Variants in ANKRD45 observed in about 807,000 individuals in gnomAD.
ANKRD45 encodes ankyrin repeat domain 45.
Under a neutral mutation model 28.1 loss-of-function variants are expected in ANKRD45, and 21 were observed. That is an observed-to-expected ratio of 0.75 (90% CI 0.53 to 1.08). ANKRD45 has a LOEUF of 1.08. Ranked by LOEUF, ANKRD45 falls within the 50% of genes least tolerant of loss-of-function variation. The pLI is 0.00. For missense variants in ANKRD45, 261 were observed against 308.7 expected (o/e 0.85, Z 1.16); for synonymous variants, 86 against 103.9 (o/e 0.83, Z 1.05).
upstream of ANKRD45, among the ~76,000 whole-genome samples, chr1:173,672,747 G>A (rs58977252): frequency 0.079 from 11,971 of 152,084 alleles, 703 homozygotes; most frequent in East Asian, 0.32. Flanking sequence ...CAAGAGTGTG[G>A]CCTAGATGCA....
chr1:173,700,659 A>T, the ANKRD45 span, among the ~76,000 whole-genome samples: 83 of 152,308 alleles, frequency 5.4e-4, no homozygotes, highest in Non-Finnish European at 1.0e-3. Context: ...TACACCTTAT[A>T]CAAAAATTAA....
chr1:173,669,548 C>T, intron 1 of ANKRD45: 1 of 454,264 alleles, frequency 2.2e-6, no homozygotes, highest in Non-Finnish European at 4.4e-6. Flanking sequence ...CCAGGAGGTC[C>T]CGCGAGGGGG....
At chr1:173,683,962 T>A in the ANKRD45 span, among the ~76,000 whole-genome samples, 23,036 of 152,186 alleles carry the variant, frequency 0.15, 2,438 homozygotes, top group East Asian at 0.35. Flanking sequence ...TCCTGCTGTG[T>A]CATTCCCCTA....
intron 3 of ANKRD45, among the ~76,000 whole-genome samples, chr1:173,643,281 C>G (rs1390016073): frequency 2.7e-5 from 4 of 149,594 alleles, no homozygotes; most frequent in African/African-American, 9.9e-5. Flanking sequence ...TCAAGCGATT[C>G]TCCTGCCTCA....
At chr1:173,699,903 A>C in the ANKRD45 span, among the ~76,000 whole-genome samples, 2,911 of 152,280 alleles carry the variant, frequency 0.019, 88 homozygotes, top group African/African-American at 0.067. Context: ...AGATGACATG[A>C]TTGTATATTT....
rs1028128489 is a variant in ANKRD45 at position 173,609,823 on chromosome 1, A to T, written c.*322T>A. On this transcript the variant is annotated 3_prime_UTR_variant, in exon 6 of 6. Transcript: ENST00000333279. The stretch of plus-strand genomic sequence containing the variant: ...GAAATAGCCAAATATGTCCTTTTAT[A>T]TGGAATGCCTCAATTACACAGAAAA... The T allele has an allele frequency of 4.4e-6, 1 of 228,026 alleles. No individual in the cohort carries two copies. Among genetic ancestry groups the T allele is most frequent in the Non-Finnish European group, 8.5e-6 (1 of 118,134 alleles). The allele number at this position is 228,026 out of a possible 1,614,324, so 14.1% of individuals were successfully genotyped here.
At chr1:173,661,949 G>T (rs1377801063) in intron 1 of ANKRD45, among the ~76,000 whole-genome samples, 2 of 152,154 alleles carry the variant, frequency 1.3e-5, no homozygotes, top group East Asian at 1.9e-4. Context: ...GAACATTCAA[G>T]GTGATACTGA....
chr1:173,654,212 C>T (rs893221219), intron 2 of ANKRD45, among the ~76,000 whole-genome samples: 3 of 152,078 alleles, frequency 2.0e-5, no homozygotes, highest in South Asian at 4.1e-4. Context: ...TATAACATGG[C>T]ATGTTTTTTC....
chr1:173,648,480 T>C (rs1669033889), intron 2 of ANKRD45, among the ~76,000 whole-genome samples: 1 of 152,234 alleles, frequency 6.6e-6, no homozygotes, highest in African/African-American at 2.4e-5. Context: ...TTTTCATGTC[T>C]TTGTCATATG....
the ANKRD45 span, among the ~76,000 whole-genome samples, chr1:173,697,158 G>C: frequency 6.6e-6 from 1 of 152,108 alleles, no homozygotes; most frequent in African/African-American, 2.4e-5. Context: ...AAGAAATATG[G>C]GACTATGTGA....
chr1:173,650,808 T>C (rs1558138079), intron 2 of ANKRD45, among the ~76,000 whole-genome samples: 1 of 152,244 alleles, frequency 6.6e-6, no homozygotes, highest in Non-Finnish European at 1.5e-5. Context: ...TGAGATGGTA[T>C]CTCATTGTGG....
chr1:173,632,770 T>C (rs1668251760), intron 3 of ANKRD45, among the ~76,000 whole-genome samples: 1 of 151,982 alleles, frequency 6.6e-6, no homozygotes, highest in South Asian at 2.1e-4. Flanking sequence ...ACAAACCATA[T>C]GATCATTTTA....
Position 173,608,601 on chromosome 1 carries a change from G to T in ANKRD45, c.*1544C>A, listed in dbSNP as rs1667020118. Among the ~76,000 whole-genome samples, 1 of 151,700 alleles carries T rather than the reference G, an allele frequency of 6.6e-6. No individual in the cohort carries two copies. The highest frequency in any genetic ancestry group is 1.5e-5 in the Non-Finnish European group (1 of 67,960). On this transcript the variant is annotated 3_prime_UTR_variant, in exon 6 of 6. Coordinates refer to ENST00000333279, the MANE Select transcript of ANKRD45 (RefSeq NM_198493.3). ...CCCAAAGTTCTTGGATTACAGGTGT[G>T]AGCCAGCACCCAGCCTGCAAATGTT...
chr1:173,688,411 C>CCTCTCTCTCTCTGCCTCTTCCT, the ANKRD45 span, among the ~76,000 whole-genome samples: 450 of 104,002 alleles, frequency 4.3e-3, 45 homozygotes, highest in African/African-American at 0.022. Flanking sequence ...TCTGCCTCTT[C>CCTCTCTCTCTCTGCCTCTTCCT]CTCTCTCTCT....
At chr1:173,623,178 G>C (rs1387822174) in intron 5 of ANKRD45, among the ~76,000 whole-genome samples, 2 of 151,960 alleles carry the variant, frequency 1.3e-5, no homozygotes, top group African/African-American at 4.8e-5. Flanking sequence ...AGCTGGGCAT[G>C]GTGGCACACA....
upstream of ANKRD45, chr1:173,669,927 A>G (rs915550410): frequency 6.5e-5 from 11 of 169,500 alleles, no homozygotes; most frequent in African/African-American, 2.6e-4. Flanking sequence ...TCTTGGTTGC[A>G]AAGGCGCAGG....
chr1:173,656,368 G>C (rs916997310), intron 2 of ANKRD45, among the ~76,000 whole-genome samples: 2 of 152,128 alleles, frequency 1.3e-5, no homozygotes, highest in African/African-American at 4.8e-5. Flanking sequence ...TGCTGATTGG[G>C]ATATTGGTCT....
At chr1:173,704,880 C>T in the ANKRD45 span, among the ~76,000 whole-genome samples, 2 of 152,180 alleles carry the variant, frequency 1.3e-5, no homozygotes, top group Non-Finnish European at 1.5e-5. Flanking sequence ...AGAAGCAGGG[C>T]AGAGGGAGAA....
chr1:173,679,064 A>G, the ANKRD45 span, among the ~76,000 whole-genome samples: 1 of 152,240 alleles, frequency 6.6e-6, no homozygotes, highest in East Asian at 1.9e-4. Flanking sequence ...AACAAATGGA[A>G]AAACATTCCA....
Sources: allele counts gnomAD v4.1 joint callset (sites outside exome capture counted in the v4.1 genomes callset), GRCh38; gene constraint gnomAD v4.1.1; transcripts MANE v1.5; gene names NCBI Gene and HGNC (gene_info 2026-07-23, HGNC 2026-07-21).